Variants in SH3GL2 observed in about 807,000 individuals in gnomAD.
SH3GL2 encodes SH3 domain containing GRB2 like 2, endophilin A1.
Under a neutral mutation model 46.0 loss-of-function variants are expected in SH3GL2, and 24 were observed. That is an observed-to-expected ratio of 0.52 (90% CI 0.38 to 0.73). The LOEUF (loss-of-function observed/expected upper bound fraction) is 0.73, where lower values mean the gene tolerates loss of function less well. SH3GL2 is among the 30% of genes least tolerant of loss of function. The probability of loss-of-function intolerance (pLI) is 0.00; values close to 1 mark genes in which losing one functional copy is unlikely to be tolerated. For missense variants in SH3GL2, 413 were observed against 424.2 expected, an observed-to-expected ratio of 0.97 and a Z score of 0.23; for synonymous variants, 196 against 147.1, an observed-to-expected ratio of 1.33 and a Z score of -2.40.
rs529610832 is a variant in SH3GL2, at chr9:17,641,479, T to C, written c.45+62192T>C. On this transcript the variant is annotated intron_variant, in intron 1 of 8. Transcript: ENST00000380607. ...ATTATACTTTAAGTTCTGGGATACA[T>C]GTGGAGAATGTGCAGGTTTGTTACA... 4.9e-4 allele frequency among the ~76,000 whole-genome samples: 75 copies of C among 152,324 alleles called. No homozygotes were observed. The South Asian group carries it at 7.0e-3, about 14-fold the overall frequency.
intron 1 of SH3GL2, among the ~76,000 whole-genome samples, chr9:17,654,604 A>G (rs979351516): frequency 2.0e-5 from 3 of 152,238 alleles, no homozygotes; most frequent in African/African-American, 7.2e-5. Flanking sequence ...AATCTTTATC[A>G]TCTATCTATA....
chr9:17,690,413 C>A (rs571349374), intron 1 of SH3GL2, among the ~76,000 whole-genome samples: 1 of 152,216 alleles, frequency 6.6e-6, no homozygotes, highest in African/African-American at 2.4e-5. Context: ...TTGATTTTGA[C>A]CTCTTTGGCT....
chr9:17,766,292 A>G (rs1365782049), intron 3 of SH3GL2, among the ~76,000 whole-genome samples: 1 of 152,254 alleles, frequency 6.6e-6, no homozygotes, highest in Non-Finnish European at 1.5e-5. Context: ...CTGTAAAGTC[A>G]TCCAAGCTTG....
At chr9:17,645,540 T>G (rs1453245983) in intron 1 of SH3GL2, among the ~76,000 whole-genome samples, 1 of 152,172 alleles carries the variant, frequency 6.6e-6, no homozygotes, top group Non-Finnish European at 1.5e-5. Context: ...TAGTGCTTCC[T>G]TCAGGAGTTC....
chr9:17,722,495 C>T (rs1821920029), intron 1 of SH3GL2, among the ~76,000 whole-genome samples: 1 of 151,874 alleles, frequency 6.6e-6, no homozygotes, highest in Non-Finnish European at 1.5e-5. Context: ...AATGAGTGTG[C>T]AGTAAAATTT....
intron 3 of SH3GL2, among the ~76,000 whole-genome samples, chr9:17,777,089 G>A (rs9406720): frequency 0.12 from 17,648 of 152,088 alleles, 1,140 homozygotes; most frequent in Admixed American, 0.15. Context: ...TCTTTATTTC[G>A]GAAAATCTTA....
At chr9:17,758,561 CAAAAAAAA>C (rs57019804) in intron 2 of SH3GL2, among the ~76,000 whole-genome samples, 91 of 29,218 alleles carry the variant, frequency 3.1e-3, no homozygotes, top group East Asian at 0.016. Flanking sequence ...GACCCTGTCT[CAAAAAAAA>C]AAAAAAAAAA....
chr9:17,759,422 G>C (rs566661432), intron 2 of SH3GL2, among the ~76,000 whole-genome samples: 146 of 152,242 alleles, frequency 9.6e-4, no homozygotes, highest in Admixed American at 3.1e-3. Flanking sequence ...GCTCTGACTT[G>C]GCCTCTCTTT....
intron 1 of SH3GL2, among the ~76,000 whole-genome samples, chr9:17,741,143 ATACT>A (rs753176258): frequency 6.6e-6 from 1 of 152,188 alleles, no homozygotes; most frequent in Non-Finnish European, 1.5e-5. Flanking sequence ...AAACCTATGC[ATACT>A]TAATTTATAG....
intron 1 of SH3GL2, among the ~76,000 whole-genome samples, chr9:17,663,126 C>T (rs544858865): frequency 1.3e-5 from 2 of 152,272 alleles, no homozygotes; most frequent in East Asian, 3.9e-4. Context: ...CTTGAAAAGC[C>T]ACTTTTTATT....
At chr9:17,611,546 T>C (rs1818867375) in intron 1 of SH3GL2, among the ~76,000 whole-genome samples, 1 of 152,186 alleles carries the variant, frequency 6.6e-6, no homozygotes, top group South Asian at 2.1e-4. Context: ...GTGTGACCTG[T>C]ATATGGGATG....
At chr9:17,638,798 C>T (rs1447953865) in intron 1 of SH3GL2, among the ~76,000 whole-genome samples, 1 of 152,212 alleles carries the variant, frequency 6.6e-6, no homozygotes, top group African/African-American at 2.4e-5. Context: ...ACCACCCACC[C>T]CTCCTTGATG....
intron 1 of SH3GL2, among the ~76,000 whole-genome samples, chr9:17,737,287 C>T (rs1822366964): frequency 1.3e-5 from 2 of 151,816 alleles, no homozygotes; most frequent in African/African-American, 2.4e-5. Context: ...ACCACCATGG[C>T]ACATGTATAC....
At chr9:17,628,411 G>GGTGTGTGTGTGT (rs3084633) in intron 1 of SH3GL2, among the ~76,000 whole-genome samples, 4 of 143,666 alleles carry the variant, frequency 2.8e-5, no homozygotes, top group Non-Finnish European at 6.0e-5. Context: ...CTATATCTTG[G>GGTGTGTGTGTGT]GTGTGTGTGT....
At chr9:17,772,974 C>T (rs779253500) in intron 3 of SH3GL2, among the ~76,000 whole-genome samples, 9 of 152,150 alleles carry the variant, frequency 5.9e-5, no homozygotes, top group Non-Finnish European at 1.2e-4. Context: ...GTTCGAGTTA[C>T]TCTACATCCT....
At chr9:17,779,716 A>G (rs1227262366) in intron 3 of SH3GL2, among the ~76,000 whole-genome samples, 1 of 152,104 alleles carries the variant, frequency 6.6e-6, no homozygotes, top group Non-Finnish European at 1.5e-5. Context: ...TCTTTCTGTT[A>G]TCTAATGGCC....
At chr9:17,736,459 A>T (rs1008297755) in intron 1 of SH3GL2, among the ~76,000 whole-genome samples, 4 of 152,036 alleles carry the variant, frequency 2.6e-5, no homozygotes, top group African/African-American at 9.7e-5. Context: ...CACTTTCATG[A>T]CTACCTCTGC....
chr9:17,620,297 A>G (rs1819107334), intron 1 of SH3GL2, among the ~76,000 whole-genome samples: 2 of 152,214 alleles, frequency 1.3e-5, no homozygotes, highest in African/African-American at 2.4e-5. Flanking sequence ...TACGCACCAT[A>G]CACTGCATTT....
chr9:17,752,026 A>G (rs1822862370), intron 2 of SH3GL2, among the ~76,000 whole-genome samples: 1 of 146,360 alleles, frequency 6.8e-6, no homozygotes, highest in South Asian at 2.1e-4. Flanking sequence ...GAAGATTAAC[A>G]GCAAAAAAAA....
Sources: allele counts gnomAD v4.1 joint callset (sites outside exome capture counted in the v4.1 genomes callset), GRCh38; gene constraint gnomAD v4.1.1; transcripts MANE v1.5; gene names NCBI Gene and HGNC (gene_info 2026-07-23, HGNC 2026-07-21).